MCCC1: variants seen among roughly 807,000 people sequenced by gnomAD.
MCCC1 encodes methylcrotonoyl-CoA carboxylase subunit alpha, mitochondrial.
Under a neutral mutation model 83.8 loss-of-function variants are expected in MCCC1, and 64 were observed. The ratio of observed to expected loss-of-function variants is 0.76; its 90% confidence interval spans 0.62 to 0.94. The LOEUF is 0.94. MCCC1 is among the 40% of genes least tolerant of loss of function. The pLI is 0.00. For missense variants in MCCC1, 807 were observed against 904.7 expected, an observed-to-expected ratio of 0.89 and a Z score of 1.39; for synonymous variants, 322 against 315.4, an observed-to-expected ratio of 1.02 and a Z score of -0.22.
intron 1 of MCCC1, among the ~76,000 whole-genome samples, chr3:183,107,463 A>G (rs898987266): frequency 2.0e-5 from 3 of 151,498 alleles, no homozygotes; most frequent in Admixed American, 1.3e-4. Context: ...TACACATTGC[A>G]TTGACTCTTA....
intron 15 of MCCC1, 148 bp from the exon 16 acceptor site, chr3:183,022,702 A>G: frequency 1.4e-6 from 1 of 717,574 alleles, no homozygotes; most frequent in Non-Finnish European, 2.2e-6. Flanking sequence ...AAAGTCATGG[A>G]ACTTTTCCCC....
intron 4 of MCCC1, among the ~76,000 whole-genome samples, chr3:183,081,189 T>C (rs748003467): frequency 1.3e-4 from 20 of 152,206 alleles, no homozygotes; most frequent in Non-Finnish European, 2.6e-4. Context: ...AGCATTTGAA[T>C]GGATTAAAAG....
intron 14 of MCCC1, among the ~76,000 whole-genome samples, chr3:183,030,083 G>A (rs559297768): frequency 1.2e-4 from 18 of 152,248 alleles, no homozygotes; most frequent in South Asian, 4.1e-4. Flanking sequence ...CGAGGTGGGC[G>A]GATAGCCTGA....
intron 9 of MCCC1, among the ~76,000 whole-genome samples, chr3:183,047,381 A>G (rs1021501207): frequency 7.9e-5 from 12 of 152,172 alleles, no homozygotes; most frequent in Non-Finnish European, 1.0e-4. Context: ...TTATCACATT[A>G]CCAAAGGCCT....
chr3:183,052,699 A>G (rs190379613), intron 8 of MCCC1, among the ~76,000 whole-genome samples: 106 of 151,058 alleles, frequency 7.0e-4, no homozygotes, highest in African/African-American at 2.5e-3. Flanking sequence ...AGTCCCAGCT[A>G]CTCAGGAGGC....
At chr3:183,047,902 A>T (rs1714672688) in intron 9 of MCCC1, among the ~76,000 whole-genome samples, 1 of 152,262 alleles carries the variant, frequency 6.6e-6, no homozygotes, top group Non-Finnish European at 1.5e-5. Context: ...AGGAAGGAAC[A>T]GAAGTAATAT....
intron 1 of MCCC1, among the ~76,000 whole-genome samples, chr3:183,110,180 T>C (rs1719470380): frequency 6.6e-6 from 1 of 152,178 alleles, no homozygotes; most frequent in South Asian, 2.1e-4. Flanking sequence ...AAATATTTTC[T>C]CCCATTCTGT....
intron 1 of MCCC1, among the ~76,000 whole-genome samples, chr3:183,107,509 T>TTTATTA (rs199825914): frequency 6.9e-4 from 104 of 150,684 alleles, no homozygotes; most frequent in African/African-American, 2.3e-3. Context: ...CTGTTTTGTT[T>TTTATTA]TTATTATTAT....
intron 15 of MCCC1, chr3:183,022,779 A>G (rs183256204): frequency 1.1e-4 from 51 of 480,000 alleles, no homozygotes; most frequent in African/African-American, 9.4e-4. Flanking sequence ...AAAAAGTTAT[A>G]TAACTTATCC....
rs778780783 is a variant in MCCC1, at chr3:183,037,222, T to C, written c.1590A>G (p.Ala530=). ...AAAGAGAAAAGCCTTCCATACCATG[T>C]GCCTGAAGAGTGAAAGTGTCGGTCA... ...KAMTDTFTLQ[A]HDQFSPFSSS... Residue 530 remains alanine (A), a synonymous_variant, in exon 13 of 19, where the codon GCA becomes GCG. Transcript: ENST00000265594. 6.2e-7 allele frequency: 1 copy of C among 1,613,412 alleles called. No individual in the cohort carries two copies. Among genetic ancestry groups the C allele is most frequent in the East Asian group, 2.2e-5 (1 of 44,876 alleles).
upstream of MCCC1, among the ~76,000 whole-genome samples, chr3:183,102,786 T>G (rs1421661573): frequency 1.2e-4 from 13 of 112,682 alleles, no homozygotes; most frequent in South Asian, 3.5e-4. Flanking sequence ...TTTTTTTTTT[T>G]TTTTTTTTTT....
intron 13 of MCCC1, among the ~76,000 whole-genome samples, chr3:183,035,232 C>T (rs1156822908): frequency 6.6e-6 from 1 of 152,260 alleles, no homozygotes; most frequent in South Asian, 2.1e-4. Flanking sequence ...ATTCTAAAAA[C>T]GTTAAGGTCA....
upstream of MCCC1, among the ~76,000 whole-genome samples, chr3:183,102,772 T>G (rs889976432): frequency 1.5e-3 from 133 of 89,340 alleles, 2 homozygotes; most frequent in South Asian, 2.5e-3. Context: ...TTTTTTTTTT[T>G]TTTTTTTTTT....
At chr3:183,020,291 T>C in intron 16 of MCCC1, 54 bp from the exon 17 acceptor site, 1 of 1,313,210 alleles carries the variant, frequency 7.6e-7, no homozygotes, top group East Asian at 2.3e-5. Context: ...ACTATATTTT[T>C]ACTAATATAC....
At chr3:183,070,422 TATA>T (rs1716573862) in intron 7 of MCCC1, among the ~76,000 whole-genome samples, 1 of 152,186 alleles carries the variant, frequency 6.6e-6, no homozygotes, top group Non-Finnish European at 1.5e-5. Flanking sequence ...ATGTCTGTGA[TATA>T]ATATTAGTGT....
intron 17 of MCCC1, among the ~76,000 whole-genome samples, chr3:183,019,557 G>C (rs1303343926): frequency 2.0e-5 from 3 of 152,178 alleles, no homozygotes; most frequent in Non-Finnish European, 4.4e-5. Context: ...CTGGTGATTT[G>C]ATGGATTTCC....
At chr3:183,062,165 G>A (rs551471081) in intron 7 of MCCC1, among the ~76,000 whole-genome samples, 1 of 152,154 alleles carries the variant, frequency 6.6e-6, no homozygotes, top group African/African-American at 2.4e-5. Flanking sequence ...AAATTATCCA[G>A]TTGCAGGTAT....
chr3:183,081,056 A>T (rs1717455559), intron 4 of MCCC1, among the ~76,000 whole-genome samples: 1 of 152,240 alleles, frequency 6.6e-6, no homozygotes, highest in Non-Finnish European at 1.5e-5. Context: ...ATAACTAAAA[A>T]CAAAAGGAGC....
At chr3:183,055,734 A>T (rs974052323) in intron 8 of MCCC1, among the ~76,000 whole-genome samples, 2 of 152,060 alleles carry the variant, frequency 1.3e-5, no homozygotes, top group Admixed American at 6.6e-5. Flanking sequence ...CATCTCTACA[A>T]TACATTAAAA....
Sources: allele counts gnomAD v4.1 joint callset (sites outside exome capture counted in the v4.1 genomes callset), GRCh38; gene constraint gnomAD v4.1.1; transcripts MANE v1.5; gene names NCBI Gene and HGNC (gene_info 2026-07-23, HGNC 2026-07-21).